Variants in FAM219A observed in about 807,000 individuals in gnomAD.
FAM219A encodes the protein family with sequence similarity 219 member A, also known as protein FAM219A.
A neutral mutation model predicts 23.4 loss-of-function variants in FAM219A; 7 were observed. The observed-to-expected ratio is 0.30, with a 90% CI of 0.17 to 0.56. The LOEUF (loss-of-function observed/expected upper bound fraction) is 0.56, where lower values mean the gene tolerates loss of function less well. Ranked by LOEUF, FAM219A falls within the 20% of genes least tolerant of loss-of-function variation. The pLI, the probability that FAM219A is intolerant of heterozygous loss-of-function variation, is 0.92. For missense variants in FAM219A, 166 were observed against 246.9 expected (o/e 0.67, Z 2.20); for synonymous variants, 93 against 99.0 (o/e 0.94, Z 0.36).
intron 1 of FAM219A, among the ~76,000 whole-genome samples, chr9:34,453,569 T>C (rs748715076): frequency 2.0e-5 from 3 of 152,214 alleles, no homozygotes; most frequent in Non-Finnish European, 4.4e-5. Flanking sequence ...TACTTGTCCC[T>C]GTATCCTTAA....
rs543226047 is a variant in FAM219A at position 34,417,288 on chromosome 9, C to T, written c.61-11324G>A. 3.3e-5 allele frequency among the ~76,000 whole-genome samples: 5 copies of T among 152,284 alleles called. No individual in the cohort carries two copies. The South Asian group carries it at 1.0e-3, about 32-fold the overall frequency. ...TCTCGAACTCCTGGCCTCAAGTGAT[C>T]CTCCTGCCTCGGCCTCCCAAAGTGC... On this transcript the variant is annotated intron_variant, in intron 1 of 5. Transcript: ENST00000651358. The surrounding 1 kb of genome is among the most constrained non-coding windows in gnomAD (Gnocchi z 4.1).
At position 34,398,250 on chromosome 9, in the gene FAM219A, A is replaced by G. The variant is rs1191748946; in HGVS notation, c.*2714T>C. On this transcript the variant is annotated 3_prime_UTR_variant, in exon 6 of 6. Transcript: ENST00000651358. ...GATACACAACCAAGGATGATGGTCAATACTGCAATGAAAATGTTAAAAAAA... is the reference window on the plus strand; with the variant it reads ...GATACACAACCAAGGATGATGGTCAGTACTGCAATGAAAATGTTAAAAAAA... The G allele has an allele frequency of 5.8e-6, 9 of 1,547,364 alleles. No homozygotes were observed. The highest frequency in any genetic ancestry group is 2.0e-5 in the Admixed American group (1 of 50,978).
At chr9:34,436,055 T>C (rs992069899) in intron 1 of FAM219A, among the ~76,000 whole-genome samples, 2 of 152,178 alleles carry the variant, frequency 1.3e-5, no homozygotes, top group African/African-American at 4.8e-5. Flanking sequence ...TCTACCTGCC[T>C]TGGCCTCCCA....
At position 34,399,351 on chromosome 9, in the gene FAM219A, CTTGA is replaced by C. The variant is rs1398679276; in HGVS notation, c.*1609_*1612del. 1 of 152,378 alleles carries C rather than the reference CTTGA, an allele frequency of 6.6e-6. No homozygotes were observed. The highest frequency in any genetic ancestry group is 1.5e-5 in the Non-Finnish European group (1 of 68,202). 9.4% of individuals were successfully genotyped at this position (152,378 alleles called of 1,614,324 possible). A position where few individuals can be genotyped will look rare whatever the true frequency, so the allele number is the denominator to read the frequency against. ...GGTGGGCCTTCCTCACCTCTTCCCT[CTTGA>C]TTTTCAGTCTCAGCTTTCCAGTCCC... On this transcript the variant is annotated 3_prime_UTR_variant, in exon 6 of 6. Coordinates refer to ENST00000651358, the MANE Select transcript of FAM219A (RefSeq NM_001184940.2).
rs1018208377 is a variant in FAM219A, at chr9:34,417,041, CTTCCCCTTCCCT to C, written c.61-11089_61-11078del. ...CCTTCTTCCCTCTTCCCTCCTCCTT[CTTCCCCTTCCCT>C]TTCCCCTTCCCCTTCTCCTTCTTCT... On this transcript the variant is annotated intron_variant, in intron 1 of 5. Coordinates refer to ENST00000651358, the MANE Select transcript of FAM219A (RefSeq NM_001184940.2). This position sits in a 1 kb window ranked among gnomAD's most constrained non-coding sequence, Gnocchi z 4.1. 6.6e-6 allele frequency among the ~76,000 whole-genome samples: 1 copy of C among 151,532 alleles called. No individual in the cohort carries two copies. The highest frequency in any genetic ancestry group is 6.6e-5 in the Admixed American group (1 of 15,174).
At chr9:34,413,168 T>G (rs1588039006) in intron 1 of FAM219A, among the ~76,000 whole-genome samples, 4 of 133,878 alleles carry the variant, frequency 3.0e-5, no homozygotes, top group Admixed American at 7.7e-5. Flanking sequence ...GTAAGGAAGG[T>G]GAGGTGAGGA....
At chr9:34,428,919 G>A (rs926324369) in intron 1 of FAM219A, among the ~76,000 whole-genome samples, 2 of 152,252 alleles carry the variant, frequency 1.3e-5, no homozygotes, top group African/African-American at 4.8e-5. Context: ...GAGAGGCCAA[G>A]CTGAGGGACA....
At chr9:34,439,405 T>G (rs1343629776) in intron 1 of FAM219A, among the ~76,000 whole-genome samples, 1 of 152,212 alleles carries the variant, frequency 6.6e-6, no homozygotes, top group Non-Finnish European at 1.5e-5. Flanking sequence ...GAATGTCCAT[T>G]ATGTGAAGGC....
At chr9:34,422,066 T>C (rs35964199) in intron 1 of FAM219A, among the ~76,000 whole-genome samples, 25,663 of 151,998 alleles carry the variant, frequency 0.17, 2,834 homozygotes, top group Non-Finnish European at 0.25. Flanking sequence ...GAGGGAACAA[T>C]AGTCTGGGAA....
intron 1 of FAM219A, among the ~76,000 whole-genome samples, chr9:34,423,791 A>G (rs1822363357): frequency 6.6e-6 from 1 of 152,144 alleles, no homozygotes; most frequent in Admixed American, 6.5e-5. Context: ...GAGAAGAAAA[A>G]CATGTTGAGG....
intron 1 of FAM219A, among the ~76,000 whole-genome samples, chr9:34,446,819 A>C (rs1009910236): frequency 6.6e-6 from 1 of 152,192 alleles, no homozygotes; most frequent in Admixed American, 6.5e-5. Flanking sequence ...CTAGTCACCC[A>C]ATCTCTTGAA....
chr9:34,408,555 C>T (rs578198499), intron 1 of FAM219A, among the ~76,000 whole-genome samples: 2 of 152,348 alleles, frequency 1.3e-5, no homozygotes, highest in South Asian at 4.1e-4. Context: ...TCACATGTCA[C>T]ATATACCACA....
intron 1 of FAM219A, 37 bp from the exon 2 acceptor site, chr9:34,406,001 G>A (rs1009798166): frequency 2.6e-6 from 4 of 1,568,428 alleles, no homozygotes; most frequent in African/African-American, 2.7e-5. Context: ...GAGTTGTTAG[G>A]GAGTGAAGAC....
chr9:34,449,406 G>C (rs1454845215), intron 1 of FAM219A, among the ~76,000 whole-genome samples: 1 of 152,164 alleles, frequency 6.6e-6, no homozygotes. Context: ...TTGGTAGAGG[G>C]ACATAAGGGA....
chr9:34,445,837 T>C (rs776506287), intron 1 of FAM219A, among the ~76,000 whole-genome samples: 3 of 152,200 alleles, frequency 2.0e-5, no homozygotes, highest in Non-Finnish European at 2.9e-5. Context: ...CTTAATGAGA[T>C]GGTTCAGGTG....
intron 1 of FAM219A, among the ~76,000 whole-genome samples, chr9:34,407,516 G>C (rs1041008984): frequency 2.6e-5 from 4 of 152,284 alleles, no homozygotes; most frequent in Non-Finnish European, 5.9e-5. Flanking sequence ...CCTGGGCCGA[G>C]AGGGGAAGTG....
intron 1 of FAM219A, among the ~76,000 whole-genome samples, chr9:34,424,722 C>G (rs975480211): frequency 5.9e-5 from 9 of 152,200 alleles, no homozygotes; most frequent in Admixed American, 5.2e-4. Flanking sequence ...TTTCCCAGAA[C>G]CCACAACACT....
chr9:34,458,119 G>T lies in FAM219A; in HGVS notation c.60+85C>A. 1.5e-6 allele frequency: 2 copies of T among 1,318,726 alleles called. No homozygotes were observed. Among genetic ancestry groups the T allele is most frequent in the South Asian group, 1.5e-5 (1 of 67,628 alleles). The allele number at this position is 1,318,726 out of a possible 1,614,324, so 81.7% of individuals were successfully genotyped here. A position where few individuals can be genotyped will look rare whatever the true frequency, so the allele number is the denominator to read the frequency against. On this transcript the variant is annotated intron_variant, in intron 1 of 5. Transcript: ENST00000651358. The surrounding 1 kb of genome is among the most constrained non-coding windows in gnomAD (Gnocchi z 6.6). Reference sequence around the variant, plus strand: ...TTGCCCCATCCGATGGCGCCCCTCCGCACGATCCCCCCGGCCTGATTCCCT... The same window carrying T: ...TTGCCCCATCCGATGGCGCCCCTCCTCACGATCCCCCCGGCCTGATTCCCT...
intron 1 of FAM219A, among the ~76,000 whole-genome samples, chr9:34,439,200 C>A (rs138005944): frequency 6.6e-6 from 1 of 152,220 alleles, no homozygotes; most frequent in African/African-American, 2.4e-5. Context: ...TAACACTCAC[C>A]GCGAGGGTCC....
Sources: gnomAD v4.1 joint callset for allele counts (sites outside exome capture counted in the v4.1 genomes callset) on GRCh38, gnomAD v4.1.1 for gene constraint, Gnocchi (gnomAD v3.1) non-coding constraint, MANE v1.5 for transcripts, NCBI Gene and HGNC (gene_info 2026-07-23, HGNC 2026-07-21) for gene names.